Variants in ABCC9 observed in about 807,000 individuals in gnomAD.
The protein encoded by ABCC9 is ATP-binding cassette sub-family C member 9.
ABCC9 carries 95 observed loss-of-function variants against 188.3 expected under a neutral mutation model. That is an observed-to-expected ratio of 0.50 (90% CI 0.43 to 0.60). The LOEUF is 0.60. Ranked by LOEUF, ABCC9 falls within the 20% of genes least tolerant of loss-of-function variation. ABCC9 has a pLI of 0.00. For missense variants in ABCC9, 1,102 were observed against 1,876.3 expected (o/e 0.59, Z 7.62); for synonymous variants, 659 against 652.7 (o/e 1.01, Z -0.15).
chr12:21,934,871 A>G (rs569628538), intron 3 of ABCC9, among the ~76,000 whole-genome samples: 83 of 152,030 alleles, frequency 5.5e-4, no homozygotes, highest in Admixed American at 2.5e-3. Context: ...GTTGTTTTCA[A>G]TTTATTCATC....
At chr12:21,850,741 T>G (rs1944920906) in intron 24 of ABCC9, among the ~76,000 whole-genome samples, 1 of 152,134 alleles carries the variant, frequency 6.6e-6, no homozygotes, top group Non-Finnish European at 1.5e-5. Context: ...TCTTCTTTTG[T>G]CCCTGGCATT....
At chr12:21,862,855 A>G (rs569482435) in intron 20 of ABCC9, 98 bp downstream of exon 20, 15 of 797,354 alleles carry the variant, frequency 1.9e-5, no homozygotes, top group Non-Finnish European at 2.8e-5. Flanking sequence ...GAAAGAAAAT[A>G]CCAGATGTAA....
At chr12:21,837,207 A>C (rs945970795) in intron 30 of ABCC9, among the ~76,000 whole-genome samples, 8 of 152,188 alleles carry the variant, frequency 5.3e-5, no homozygotes, top group Non-Finnish European at 1.0e-4. Flanking sequence ...CTCCAATAAA[A>C]GGAATTGCAC....
At chr12:21,819,491 G>T (rs1942896493) in intron 31 of ABCC9, among the ~76,000 whole-genome samples, 1 of 152,128 alleles carries the variant, frequency 6.6e-6, no homozygotes, top group African/African-American at 2.4e-5. Flanking sequence ...AATGATCCCA[G>T]CCTTGGAAAC....
At chr12:21,933,177 A>G (rs775142194) in intron 4 of ABCC9, among the ~76,000 whole-genome samples, 1 of 151,830 alleles carries the variant, frequency 6.6e-6, no homozygotes, top group Non-Finnish European at 1.5e-5. Context: ...ATGAGAACAC[A>G]TGGACACACA....
intron 31 of ABCC9, among the ~76,000 whole-genome samples, chr12:21,826,373 C>G (rs1036007627): frequency 9.2e-5 from 14 of 152,112 alleles, no homozygotes; most frequent in African/African-American, 3.1e-4. Flanking sequence ...CTTCATTTTT[C>G]TCACGCAAGA....
At chr12:21,913,110 A>T in intron 7 of ABCC9, 44 bp from the exon 8 acceptor site, 1 of 1,543,854 alleles carries the variant, frequency 6.5e-7, no homozygotes. Flanking sequence ...TAACAAAATA[A>T]AACTGCTTAG....
At chr12:21,882,190 G>A (rs936926594) in intron 16 of ABCC9, among the ~76,000 whole-genome samples, 4 of 152,088 alleles carry the variant, frequency 2.6e-5, no homozygotes, top group Admixed American at 6.5e-5. Flanking sequence ...CCCATGGATG[G>A]AGGCCTTTGA....
chr12:21,811,947 T>C, intron 36 of ABCC9, 102 bp downstream of exon 36: 1 of 812,924 alleles, frequency 1.2e-6, no homozygotes, highest in Non-Finnish European at 2.1e-6. Flanking sequence ...ATTGCCTTGA[T>C]ATCAGTTCAC....
chr12:21,839,569 C>G (rs1033514490), intron 29 of ABCC9, among the ~76,000 whole-genome samples: 1 of 152,156 alleles, frequency 6.6e-6, no homozygotes, highest in African/African-American at 2.4e-5. Context: ...TTCTTTAAAC[C>G]ACATGAGCTA....
intron 30 of ABCC9, among the ~76,000 whole-genome samples, chr12:21,837,214 G>C (rs1216686560): frequency 6.6e-6 from 1 of 152,094 alleles, no homozygotes; most frequent in Non-Finnish European, 1.5e-5. Flanking sequence ...AAAAGGAATT[G>C]CACATTATGA....
rs113814380 is a variant in ABCC9, at chr12:21,903,142, C to T, written c.1618+2984G>A. Among the ~76,000 whole-genome samples the T allele has an allele frequency of 4.1e-3, 620 of 149,998 alleles. 6 individuals carry two copies. The highest frequency in any genetic ancestry group is 0.014 in the African/African-American group (585 of 41,246). ...GGGATGCAAAGCCTCGTTCAACATACGCAAATCCAGCATATAAACAGAACC... is the reference window on the plus strand; with the variant it reads ...GGGATGCAAAGCCTCGTTCAACATATGCAAATCCAGCATATAAACAGAACC... On this transcript the variant is annotated intron_variant, in intron 12 of 39. Coordinates refer to ENST00000261200, the MANE Select transcript of ABCC9 (RefSeq NM_020297.4).
intron 18 of ABCC9, among the ~76,000 whole-genome samples, chr12:21,870,259 T>C (rs1416319688): frequency 1.3e-5 from 2 of 151,984 alleles, no homozygotes; most frequent in African/African-American, 4.8e-5. Flanking sequence ...CTTTAGTTTT[T>C]TGTTTTTTTT....
At chr12:21,837,697 G>A (rs1418830751) in intron 30 of ABCC9, among the ~76,000 whole-genome samples, 1 of 151,984 alleles carries the variant, frequency 6.6e-6, no homozygotes, top group Non-Finnish European at 1.5e-5. Context: ...CTTGTTTATT[G>A]GATGCTTCTT....
At chr12:21,912,590 ATTTCT>A (rs1948371893) in intron 8 of ABCC9, among the ~76,000 whole-genome samples, 1 of 152,076 alleles carries the variant, frequency 6.6e-6, no homozygotes, top group Non-Finnish European at 1.5e-5. Context: ...TCAATGCACA[ATTTCT>A]ACACAAAGTT....
chr12:21,864,344 A>T, intron 19 of ABCC9, 95 bp downstream of exon 19: 1 of 943,174 alleles, frequency 1.1e-6, no homozygotes, highest in Non-Finnish European at 1.7e-6. Context: ...ATAAATAACT[A>T]TACATTATCA....
chr12:21,910,446 T>C (rs762657457), intron 9 of ABCC9, 134 bp from the exon 10 acceptor site: 16 of 897,312 alleles, frequency 1.8e-5, no homozygotes, highest in Non-Finnish European at 2.6e-5. Flanking sequence ...TAGGATCATC[T>C]TCTTAAATCA....
chr12:21,831,383 C>T (rs1943751776), intron 30 of ABCC9, among the ~76,000 whole-genome samples: 1 of 151,996 alleles, frequency 6.6e-6, no homozygotes, highest in Non-Finnish European at 1.5e-5. Context: ...AGCAATCATC[C>T]ACTCTAAGCA....
At chr12:21,883,390 G>A (rs558054704) in intron 15 of ABCC9, among the ~76,000 whole-genome samples, 3 of 152,148 alleles carry the variant, frequency 2.0e-5, no homozygotes, top group Non-Finnish European at 2.9e-5. Flanking sequence ...TTACATAGGG[G>A]AGTTCCCCTG....
Sources: allele counts gnomAD v4.1 joint callset (sites outside exome capture counted in the v4.1 genomes callset), GRCh38; gene constraint gnomAD v4.1.1; transcripts MANE v1.5; gene names NCBI Gene and HGNC (gene_info 2026-07-23, HGNC 2026-07-21).